Variants in E2F5 observed in about 807,000 individuals in gnomAD.
E2F5 encodes E2F transcription factor 5, also known as transcription factor E2F5.
In E2F5, 23 loss-of-function variants were observed where a neutral mutation model predicts 39.1. The ratio of observed to expected loss-of-function variants is 0.59; its 90% CI spans 0.42 to 0.83. The LOEUF is 0.83. Among genes scored for constraint, E2F5 ranks in the 40% least tolerant of loss-of-function variants. E2F5 has a pLI of 0.00. For missense variants in E2F5, 365 were observed against 406.7 expected, an observed-to-expected ratio of 0.90 and a Z score of 0.88; for synonymous variants, 145 against 157.8, an observed-to-expected ratio of 0.92 and a Z score of 0.61.
chr8:85,202,251 G>A lies in E2F5; in HGVS notation c.339G>A (p.Gln113=). 6.2e-7 allele frequency: 1 copy of A among 1,603,728 alleles called. No homozygotes were observed. Among genetic ancestry groups the A allele is most frequent in the Non-Finnish European group, 8.5e-7 (1 of 1,175,076 alleles). The change falls in exon 2 of 8, where the codon CAG becomes CAA. Residue 113 remains glutamine, a synonymous_variant. Transcript: ENST00000416274. ...LIEKKSKNSI[Q]WKGVGAGCNT... ...AAAAAAAGTCAAAAAACAGTATCCA[G>A]TGGAAGTAAGTTACAAACCAGCACC... is the stretch of plus-strand genomic sequence containing the variant.
chr8:85,197,054 G>C (rs2129697235), intron 1 of E2F5, among the ~76,000 whole-genome samples: 1 of 152,198 alleles, frequency 6.6e-6, no homozygotes. Flanking sequence ...TTTTCAAGTG[G>C]AACTGATTGG....
rs1812944954 is a variant in E2F5, at chr8:85,212,223, TACTA to T, written c.931+23_931+26del. On this transcript the variant is annotated intron_variant, in intron 7 of 7. Transcript: ENST00000416274. ...TCTGACGGTAAGTAGGTTAAAATTT[TACTA>T]ACTCACTTATCAGTAATGCTTCTGT... is the stretch of plus-strand genomic sequence containing the variant. 6.4e-7 allele frequency: 1 copy of T among 1,567,630 alleles called. No individual in the cohort carries two copies. The highest frequency in any genetic ancestry group is 8.8e-7 in the Non-Finnish European group (1 of 1,140,228).
intron 1 of E2F5, among the ~76,000 whole-genome samples, chr8:85,186,091 A>C (rs1403289939): frequency 6.6e-6 from 1 of 152,178 alleles, no homozygotes; most frequent in Non-Finnish European, 1.5e-5. Context: ...TCACAATAGC[A>C]AAGACTTGGA....
Position 85,177,454 on chromosome 8 carries a change from C to G in E2F5, c.34C>G (p.Gln12Glu). The change falls in exon 1 of 8, where the codon CAG becomes GAG. Residue 12 changes from glutamine (Q) to glutamate (E), a missense_variant. Coordinates refer to ENST00000416274, the MANE Select transcript of E2F5 (RefSeq NM_001951.4). ...GGCAGAGCCCGCGAGCTCGGGCCAG[C>G]AGGCGCCGGCAGGGCAGGGGCAGGG... ...AAAEPASSGQ[Q>E]APAGQGQGQR... The G allele has an allele frequency of 1.0e-6, 1 of 997,730 alleles. No individual in the cohort carries two copies. Among genetic ancestry groups the G allele is most frequent in the Non-Finnish European group, 1.2e-6 (1 of 839,434 alleles). 61.8% of individuals were successfully genotyped at this position (997,730 alleles called of 1,614,324 possible). A position where few individuals can be genotyped will look rare whatever the true frequency, so the allele number is the denominator to read the frequency against.
chr8:85,193,355 G>A (rs1167981370), intron 1 of E2F5, among the ~76,000 whole-genome samples: 1 of 151,986 alleles, frequency 6.6e-6, no homozygotes, highest in Non-Finnish European at 1.5e-5. Flanking sequence ...CTGGTGGTGG[G>A]TGCCTGTAAT....
At chr8:85,183,326 A>G (rs1295525370) in intron 1 of E2F5, among the ~76,000 whole-genome samples, 1 of 152,216 alleles carries the variant, frequency 6.6e-6, no homozygotes, top group Non-Finnish European at 1.5e-5. Flanking sequence ...GAATTAGCCT[A>G]AGGAGAGATA....
At chr8:85,180,124 G>A (rs1477582443) in intron 1 of E2F5, among the ~76,000 whole-genome samples, 2 of 151,274 alleles carry the variant, frequency 1.3e-5, no homozygotes, top group African/African-American at 2.4e-5. Flanking sequence ...GGGTTCAAGC[G>A]ATTCTCCTGC....
chr8:85,180,182 G>A (rs1044486390), intron 1 of E2F5, among the ~76,000 whole-genome samples: 4 of 151,378 alleles, frequency 2.6e-5, no homozygotes, highest in Non-Finnish European at 4.4e-5. Flanking sequence ...CACCATGCCC[G>A]ACTCATTTTT....
chr8:85,186,563 T>C (rs1812339108), intron 1 of E2F5, among the ~76,000 whole-genome samples: 1 of 148,680 alleles, frequency 6.7e-6, no homozygotes, highest in Non-Finnish European at 1.5e-5. Context: ...ACATAAGGTA[T>C]ATATATGGTG....
intron 1 of E2F5, among the ~76,000 whole-genome samples, chr8:85,185,789 C>T (rs763008663): frequency 2.6e-5 from 4 of 152,148 alleles, no homozygotes; most frequent in Non-Finnish European, 5.9e-5. Context: ...TGGAAAAATG[C>T]GAATCAAAAC....
At chr8:85,183,246 C>T (rs1031835892) in intron 1 of E2F5, among the ~76,000 whole-genome samples, 3 of 152,022 alleles carry the variant, frequency 2.0e-5, no homozygotes, top group Admixed American at 6.5e-5. Flanking sequence ...AGCAAGACTC[C>T]GTCTCGAAAA....
chr8:85,200,434 G>A, intron 1 of E2F5: 1 of 434,158 alleles, frequency 2.3e-6, no homozygotes, highest in Non-Finnish European at 3.1e-6. Flanking sequence ...AAATATAAAT[G>A]ATAAACAAGA....
At chr8:85,190,013 T>G (rs1812426673) in intron 1 of E2F5, among the ~76,000 whole-genome samples, 1 of 152,100 alleles carries the variant, frequency 6.6e-6, no homozygotes, top group Admixed American at 6.6e-5. Context: ...ATATATACAA[T>G]TTAAGAATTT....
intron 1 of E2F5, among the ~76,000 whole-genome samples, chr8:85,183,393 A>T (rs1187335660): frequency 6.6e-6 from 1 of 152,252 alleles, no homozygotes; most frequent in African/African-American, 2.4e-5. Flanking sequence ...GGACCCTTCC[A>T]CTCCTGGGTG....
chr8:85,195,551 G>T (rs1388961473), intron 1 of E2F5, among the ~76,000 whole-genome samples: 1 of 152,036 alleles, frequency 6.6e-6, no homozygotes, highest in Non-Finnish European at 1.5e-5. Context: ...GTGCAGTGGT[G>T]CAGTCATGGC....
At chr8:85,188,316 C>CTT (rs74366212) in intron 1 of E2F5, among the ~76,000 whole-genome samples, 1 of 115,034 alleles carries the variant, frequency 8.7e-6, no homozygotes, top group African/African-American at 3.4e-5. Context: ...CCTTAGCATC[C>CTT]TTTTTTTTTT....
chr8:85,207,867 T>C (rs952270906), intron 5 of E2F5, among the ~76,000 whole-genome samples: 1 of 152,316 alleles, frequency 6.6e-6, no homozygotes, highest in African/African-American at 2.4e-5. Context: ...CAAATGAATA[T>C]TGTGTTTAGA....
In E2F5 at chr8:85,177,440, C is replaced by G. The variant is rs1356512314; in HGVS notation, c.20C>G (p.Ala7Gly). 2 of 992,176 alleles carry G rather than the reference C, an allele frequency of 2.0e-6. No individual in the cohort carries two copies. The highest frequency in any genetic ancestry group is 2.4e-6 in the Non-Finnish European group (2 of 835,724). The allele number at this position is 992,176 out of a possible 1,614,324, so 61.5% of individuals were successfully genotyped here. The change falls in exon 1 of 8, where the codon GCG becomes GGG. Residue 7 changes from alanine to glycine, a missense_variant. Coordinates refer to ENST00000416274, the MANE Select transcript of E2F5 (RefSeq NM_001951.4). MAAAEP[A>G]SSGQQAPAGQ... Reference sequence around the variant, plus strand: ...GACGCGATGGCGGCGGCAGAGCCCGCGAGCTCGGGCCAGCAGGCGCCGGCA... The same window carrying G: ...GACGCGATGGCGGCGGCAGAGCCCGGGAGCTCGGGCCAGCAGGCGCCGGCA...
rs772880334 is a variant in E2F5 at position 85,213,828 on chromosome 8, G to A, written c.1007G>A (p.Cys336Tyr). ...AATTTAGATGATAACGAAGGAGTTT[G>A]TGATCTGTTTGATGTCCAGATACTA... ...NFNLDDNEGV[C>Y]DLFDVQILNY is the part of the protein sequence containing the mutation. Residue 336 changes from cysteine to tyrosine, a missense_variant, in exon 8 of 8, where the codon TGT becomes TAT. Physicochemically the swap from Cys to Tyr is radical, Grantham distance 194. Coordinates refer to ENST00000416274, the MANE Select transcript of E2F5 (RefSeq NM_001951.4). The A allele has an allele frequency of 1.9e-6, 3 of 1,612,618 alleles. No individual in the cohort carries two copies. The South Asian group carries it at 3.3e-5, about 18-fold the overall frequency.
Sources: gnomAD v4.1 joint callset for allele counts (sites outside exome capture counted in the v4.1 genomes callset) on GRCh38, gnomAD v4.1.1 for gene constraint, MANE v1.5 for transcripts, NCBI Gene and HGNC (gene_info 2026-07-23, HGNC 2026-07-21) for gene names.